Variants in RCAN2 observed in about 807,000 individuals in gnomAD.
RCAN2 encodes the protein calcipressin-2.
A neutral mutation model predicts 23.6 loss-of-function variants in RCAN2; 9 were observed. That is an observed-to-expected ratio of 0.38 (90% CI 0.23 to 0.67). RCAN2 has a LOEUF of 0.67. RCAN2 is among the 30% of genes least tolerant of loss of function. RCAN2 has a pLI of 0.51. For synonymous variants in RCAN2, 109 were observed against 115.7 expected (o/e 0.94, Z 0.37); for missense variants, 273 against 302.3 (o/e 0.90, Z 0.72).
At chr6:46,349,116 CT>C (rs530506914) in intron 2 of RCAN2, among the ~76,000 whole-genome samples, 138 of 152,302 alleles carry the variant, frequency 9.1e-4, no homozygotes, top group Non-Finnish European at 1.5e-3. Context: ...TAATAAACAT[CT>C]TATGCATTAT....
At chr6:46,258,794 T>C (rs559770194) in intron 2 of RCAN2, among the ~76,000 whole-genome samples, 1 of 152,338 alleles carries the variant, frequency 6.6e-6, no homozygotes, top group Admixed American at 6.5e-5. Context: ...TCTCTGATTC[T>C]TCTTAGTCAT....
rs373139981 is a variant in RCAN2, at chr6:46,317,618, T to C, written c.226-68722A>G. Among the ~76,000 whole-genome samples, 9 of 152,072 alleles carry C rather than the reference T, an allele frequency of 5.9e-5. No homozygotes were observed. In the South Asian group the frequency reaches 6.2e-4, roughly 11 times the overall value. The stretch of plus-strand genomic sequence containing the variant: ...GTGGGAGTACAGGCGCCTGTCACCA[T>C]GCCCGGCTAATTTTTTTTTGTATTT... On this transcript the variant is annotated intron_variant, in intron 2 of 4. Coordinates refer to ENST00000371374, the MANE Select transcript of RCAN2 (RefSeq NM_001251974.2).
chr6:46,249,317 CTTTTTTT>C (rs11331303), intron 2 of RCAN2, among the ~76,000 whole-genome samples: 1 of 97,118 alleles, frequency 1.0e-5, no homozygotes, highest in African/African-American at 4.1e-5. Flanking sequence ...TTCTTTCTTT[CTTTTTTT>C]TTTTTTTTTT....
intron 2 of RCAN2, among the ~76,000 whole-genome samples, chr6:46,445,091 A>G (rs2150425011): frequency 6.6e-6 from 1 of 152,246 alleles, no homozygotes; most frequent in South Asian, 2.1e-4. Flanking sequence ...AACCAGGTCC[A>G]TACCAGCACC....
intron 4 of RCAN2, among the ~76,000 whole-genome samples, chr6:46,244,281 T>TC (rs1766433285): frequency 6.6e-6 from 1 of 152,206 alleles, no homozygotes; most frequent in Non-Finnish European, 1.5e-5. Context: ...TGCTTTTTTT[T>TC]CTCTGCCTCT....
chr6:46,274,562 C>T (rs1767627377), intron 2 of RCAN2, among the ~76,000 whole-genome samples: 1 of 152,144 alleles, frequency 6.6e-6, no homozygotes. Context: ...TGGTCACAAC[C>T]TTCAAAGGGT....
intron 2 of RCAN2, among the ~76,000 whole-genome samples, chr6:46,376,964 T>C (rs1049799345): frequency 1.3e-5 from 2 of 148,438 alleles, no homozygotes; most frequent in African/African-American, 4.9e-5. Flanking sequence ...CTGCCCTCCA[T>C]GGCTGTTTAT....
At chr6:46,228,089 G>A (rs1348397052) in intron 4 of RCAN2, among the ~76,000 whole-genome samples, 1 of 152,190 alleles carries the variant, frequency 6.6e-6, no homozygotes, top group Non-Finnish European at 1.5e-5. Flanking sequence ...GTGGTTTTTG[G>A]TCAGTTTCTT....
At chr6:46,234,082 C>T (rs938964783) in intron 4 of RCAN2, among the ~76,000 whole-genome samples, 2 of 152,098 alleles carry the variant, frequency 1.3e-5, no homozygotes, top group Non-Finnish European at 2.9e-5. Flanking sequence ...TTGCTTTCCT[C>T]TCAGAATAGG....
At chr6:46,368,567 T>C (rs1471779342) in intron 2 of RCAN2, among the ~76,000 whole-genome samples, 4 of 152,196 alleles carry the variant, frequency 2.6e-5, no homozygotes, top group African/African-American at 9.7e-5. Context: ...TGGTATAGCT[T>C]ATTGCTCTAA....
chr6:46,354,771 C>A (rs1015417378), intron 2 of RCAN2, among the ~76,000 whole-genome samples: 1 of 152,242 alleles, frequency 6.6e-6, no homozygotes. Context: ...GTTTTACAAT[C>A]TTCTCACAGA....
intron 2 of RCAN2, among the ~76,000 whole-genome samples, chr6:46,327,150 G>C (rs141651910): frequency 6.6e-6 from 1 of 152,316 alleles, no homozygotes. Flanking sequence ...AAATCCAGGG[G>C]AGGAGATAAG....
At chr6:46,450,288 A>G (rs1484962338) in intron 2 of RCAN2, among the ~76,000 whole-genome samples, 1 of 152,016 alleles carries the variant, frequency 6.6e-6, no homozygotes, top group African/African-American at 2.4e-5. Context: ...TACTGGAAAA[A>G]AGGTGAAAGT....
chr6:46,400,809 G>T (rs1303705258), intron 2 of RCAN2, among the ~76,000 whole-genome samples: 1 of 152,154 alleles, frequency 6.6e-6, no homozygotes, highest in Non-Finnish European at 1.5e-5. Flanking sequence ...CCTAACATTT[G>T]TAAGAAAAGA....
intron 1 of RCAN2, among the ~76,000 whole-genome samples, 151 bp downstream of exon 1, chr6:46,491,016 ACCGCCC>A (rs1280186467): frequency 0.44 from 57,524 of 129,896 alleles, 14,708 homozygotes; most frequent in Non-Finnish European, 0.57. Flanking sequence ...CACCCCCGCC[ACCGCCC>A]CCGCCCCCGC....
chr6:46,336,972 A>C (rs1441911238), intron 2 of RCAN2, among the ~76,000 whole-genome samples: 3 of 142,426 alleles, frequency 2.1e-5, no homozygotes, highest in African/African-American at 5.0e-5. Flanking sequence ...AAAAAAGCAC[A>C]GGGAGAAGTG....
chr6:46,349,068 T>C (rs1434206181), intron 2 of RCAN2, among the ~76,000 whole-genome samples: 1 of 152,108 alleles, frequency 6.6e-6, no homozygotes, highest in Admixed American at 6.5e-5. Flanking sequence ...ATACAGCAAA[T>C]TCAGAACAAA....
intron 2 of RCAN2, among the ~76,000 whole-genome samples, chr6:46,318,901 C>G (rs1272110849): frequency 6.6e-6 from 1 of 152,062 alleles, no homozygotes; most frequent in Non-Finnish European, 1.5e-5. Context: ...ACATTTTATT[C>G]TCAAAAACTT....
rs998003823 is a variant in RCAN2, at chr6:46,334,040, TGGC to T, written c.226-85147_226-85145del. 3.9e-5 allele frequency among the ~76,000 whole-genome samples: 6 copies of T among 152,250 alleles called. 1 individual carries two copies. Among genetic ancestry groups the T allele is most frequent in the African/African-American group, 1.4e-4 (6 of 41,464 alleles). On this transcript the variant is annotated intron_variant, in intron 2 of 4. Coordinates refer to ENST00000371374, the MANE Select transcript of RCAN2 (RefSeq NM_001251974.2). ...ATTCTCACCTCAGGGCCTTTGCGCT[TGGC>T]CATCCCTCTGTCTAGAACACTATTC...
Sources: allele counts gnomAD v4.1 joint callset (sites outside exome capture counted in the v4.1 genomes callset), GRCh38; gene constraint gnomAD v4.1.1; transcripts MANE v1.5; gene names NCBI Gene and HGNC (gene_info 2026-07-23, HGNC 2026-07-21).